Variants in LRRTM4 observed in about 807,000 individuals in gnomAD.
LRRTM4 encodes the protein leucine rich repeat transmembrane neuronal 4.
In LRRTM4, 25 loss-of-function variants were observed where a neutral mutation model predicts 47.6. The observed-to-expected ratio is 0.53, with a 90% CI of 0.38 to 0.73. The LOEUF (loss-of-function observed/expected upper bound fraction) is 0.73, where lower values mean the gene tolerates loss of function less well. LRRTM4 is among the 30% of genes least tolerant of loss of function. LRRTM4 has a pLI of 0.00. For missense variants in LRRTM4, 638 were observed against 713.4 expected (o/e 0.89, Z 1.20); for synonymous variants, 311 against 269.5 (o/e 1.15, Z -1.51).
At chr2:76,810,924 C>G (rs886618235) in intron 3 of LRRTM4, among the ~76,000 whole-genome samples, 11 of 152,030 alleles carry the variant, frequency 7.2e-5, no homozygotes, top group African/African-American at 2.4e-4. Flanking sequence ...CTGAGAAATA[C>G]CATACTATTC....
intron 3 of LRRTM4, among the ~76,000 whole-genome samples, chr2:77,285,363 T>TATATATATATATATATATA (rs1676625877): frequency 1.4e-5 from 2 of 143,430 alleles, no homozygotes; most frequent in African/African-American, 5.1e-5. Context: ...TATATATATA[T>TATATATATATATATATATA]GGCCAATAGA....
chr2:77,046,097 G>C lies in LRRTM4; in HGVS notation c.1552-297181C>G, dbSNP rs149246112. On this transcript the variant is annotated intron_variant, in intron 3 of 3. Coordinates refer to ENST00000409884, the MANE Select transcript of LRRTM4 (RefSeq NM_001134745.3). ...GATTCTTTTTAGTATCATGTAAGTG[G>C]TTCTTCTCTTGTATTACCTGTACTG... is the stretch of plus-strand genomic sequence containing the variant. 4.6e-4 allele frequency among the ~76,000 whole-genome samples: 70 copies of C among 151,936 alleles called. 1 individual carries two copies. Among genetic ancestry groups the C allele is most frequent in the African/African-American group, 1.5e-3 (64 of 41,460 alleles).
chr2:77,285,157 C>G (rs561245350), intron 3 of LRRTM4, among the ~76,000 whole-genome samples: 4 of 151,624 alleles, frequency 2.6e-5, no homozygotes, highest in East Asian at 2.0e-4. Flanking sequence ...TTTTCCTGCT[C>G]TTTCATTTTC....
At chr2:77,269,749 A>G (rs1676143933) in intron 3 of LRRTM4, among the ~76,000 whole-genome samples, 1 of 152,216 alleles carries the variant, frequency 6.6e-6, no homozygotes, top group Admixed American at 6.5e-5. Context: ...TTGTTCAACT[A>G]TGCTTGTTTT....
intron 3 of LRRTM4, among the ~76,000 whole-genome samples, chr2:76,768,849 T>G (rs1573070157): frequency 6.6e-6 from 1 of 152,252 alleles, no homozygotes; most frequent in South Asian, 2.1e-4. Flanking sequence ...TATTTCTGAA[T>G]GATTTGGAGA....
intron 3 of LRRTM4, among the ~76,000 whole-genome samples, chr2:76,928,934 T>C (rs1253684276): frequency 6.6e-6 from 1 of 152,148 alleles, no homozygotes; most frequent in Non-Finnish European, 1.5e-5. Context: ...TAATCAACAT[T>C]ACAAAGCTCT....
intron 3 of LRRTM4, among the ~76,000 whole-genome samples, chr2:77,190,002 A>G (rs771394993): frequency 3.9e-5 from 6 of 152,104 alleles, no homozygotes; most frequent in Non-Finnish European, 5.9e-5. Flanking sequence ...ACAATATGGA[A>G]AATTCTAACT....
chr2:76,889,573 T>C (rs570931809), intron 3 of LRRTM4, among the ~76,000 whole-genome samples: 15 of 151,982 alleles, frequency 9.9e-5, no homozygotes, highest in African/African-American at 3.4e-4. Flanking sequence ...GCAACAGATA[T>C]ATAAAAATAA....
chr2:77,493,242 A>C lies in LRRTM4; in HGVS notation c.1551+25076T>G, dbSNP rs553725888. Among the ~76,000 whole-genome samples the C allele has an allele frequency of 3.3e-5, 5 of 152,214 alleles. No homozygotes were observed. The East Asian group carries it at 9.6e-4, about 29-fold the overall frequency. Reference sequence around the variant, plus strand: ...CTAAAATTTGCTCTTAGTAATATAAATGACATAATAATATATATTTAGGGA... The same window carrying C: ...CTAAAATTTGCTCTTAGTAATATAACTGACATAATAATATATATTTAGGGA... On this transcript the variant is annotated intron_variant, in intron 3 of 3. Transcript: ENST00000409884.
At chr2:77,164,354 A>G (rs1384836081) in intron 3 of LRRTM4, among the ~76,000 whole-genome samples, 1 of 152,168 alleles carries the variant, frequency 6.6e-6, no homozygotes, top group African/African-American at 2.4e-5. Flanking sequence ...CCCATACAAT[A>G]ATAATGAGAG....
chr2:77,351,220 C>T (rs757465232), intron 3 of LRRTM4, among the ~76,000 whole-genome samples: 1 of 151,756 alleles, frequency 6.6e-6, no homozygotes, highest in Non-Finnish European at 1.5e-5. Context: ...TAACCGCCAA[C>T]TCCTTTTACT....
At chr2:77,451,772 G>A (rs894812881) in intron 3 of LRRTM4, among the ~76,000 whole-genome samples, 1 of 152,088 alleles carries the variant, frequency 6.6e-6, no homozygotes, top group Non-Finnish European at 1.5e-5. Context: ...ATGGTGTAGT[G>A]GAACAAAAGG....
At chr2:77,213,326 G>A (rs1674346646) in intron 3 of LRRTM4, among the ~76,000 whole-genome samples, 2 of 152,028 alleles carry the variant, frequency 1.3e-5, no homozygotes, top group Admixed American at 6.6e-5. Flanking sequence ...TAGATAAACT[G>A]GATCTTAATC....
chr2:77,083,822 T>TTTTTC (rs1558569872), intron 3 of LRRTM4, among the ~76,000 whole-genome samples: 3 of 119,876 alleles, frequency 2.5e-5, no homozygotes, highest in African/African-American at 1.1e-4. Flanking sequence ...TTTTTTTTTT[T>TTTTTC]CAGACGGAGT....
intron 3 of LRRTM4, among the ~76,000 whole-genome samples, chr2:77,506,837 G>A (rs1294577450): frequency 6.6e-6 from 1 of 151,882 alleles, no homozygotes; most frequent in Non-Finnish European, 1.5e-5. Context: ...AGTAAAAGAT[G>A]ACACATCTTA....
At chr2:76,934,070 A>G (rs1368278130) in intron 3 of LRRTM4, among the ~76,000 whole-genome samples, 2 of 152,182 alleles carry the variant, frequency 1.3e-5, no homozygotes, top group African/African-American at 2.4e-5. Context: ...TCAGTACTCC[A>G]GCTCTCAAAG....
chr2:77,035,528 A>T (rs1008714218), intron 3 of LRRTM4, among the ~76,000 whole-genome samples: 1 of 151,916 alleles, frequency 6.6e-6, no homozygotes, highest in Non-Finnish European at 1.5e-5. Context: ...TTCATTTTTT[A>T]AATTAAAATA....
intron 3 of LRRTM4, among the ~76,000 whole-genome samples, chr2:77,450,214 A>G (rs1676204075): frequency 6.6e-6 from 1 of 151,876 alleles, no homozygotes; most frequent in Non-Finnish European, 1.5e-5. Flanking sequence ...GATGTTATTC[A>G]ACAGCTTAGG....
At chr2:77,114,568 A>G (rs1329371068) in intron 3 of LRRTM4, among the ~76,000 whole-genome samples, 3 of 152,176 alleles carry the variant, frequency 2.0e-5, no homozygotes, top group African/African-American at 7.2e-5. Flanking sequence ...AGGAAAAAGA[A>G]AAACCATGTT....
Sources: gnomAD v4.1 joint callset for allele counts (sites outside exome capture counted in the v4.1 genomes callset) on GRCh38, gnomAD v4.1.1 for gene constraint, MANE v1.5 for transcripts, NCBI Gene and HGNC (gene_info 2026-07-23, HGNC 2026-07-21) for gene names.